The following TXNDC16 variants were observed in gnomAD, a reference collection of about 807,000 sequenced individuals.
TXNDC16 encodes the protein thioredoxin domain-containing protein 16.
Under a neutral mutation model 85.6 loss-of-function variants are expected in TXNDC16, and 74 were observed. That is an observed-to-expected ratio of 0.86 (90% CI 0.72 to 1.05). The LOEUF is 1.05. TXNDC16 is among the 50% of genes least tolerant of loss of function. TXNDC16 has a pLI of 0.00. For missense variants in TXNDC16, 959 were observed against 947.0 expected, an observed-to-expected ratio of 1.01 and a Z score of -0.17; for synonymous variants, 335 against 326.5, an observed-to-expected ratio of 1.03 and a Z score of -0.28.
chr14:52,481,789 A>T (rs1405131607), intron 14 of TXNDC16, among the ~76,000 whole-genome samples: 2 of 152,174 alleles, frequency 1.3e-5, no homozygotes, highest in African/African-American at 4.8e-5. Flanking sequence ...GATATTAAAA[A>T]GCATTCCATC....
At chr14:52,478,945 A>G (rs1305827239) in intron 14 of TXNDC16, among the ~76,000 whole-genome samples, 1 of 152,194 alleles carries the variant, frequency 6.6e-6, no homozygotes. Context: ...ATCCAACAAC[A>G]TATCAAAAAG....
intron 3 of TXNDC16, 61 bp downstream of exon 3, chr14:52,543,337 T>C (rs2037873537): frequency 6.6e-7 from 1 of 1,523,766 alleles, no homozygotes; most frequent in Admixed American, 2.0e-5. Flanking sequence ...CCACTGAACT[T>C]ACTGATTAAA....
In TXNDC16 at chr14:52,432,218, AC is replaced by A. The variant is rs2034914931; in HGVS notation, c.*85del. On this transcript the variant is annotated 3_prime_UTR_variant, in exon 21 of 21. Transcript: ENST00000281741. ...TCTATTGGATGGCACTAGTCTGCAA[AC>A]TTGAAATGATTTAATATTATTCTTT... 3 of 1,276,938 alleles carry A rather than the reference AC, an allele frequency of 2.3e-6. No individual in the cohort carries two copies. In the Admixed American group the frequency reaches 7.8e-5, roughly 33 times the overall value. 79.1% of individuals were successfully genotyped at this position (1,276,938 alleles called of 1,614,324 possible).
At chr14:52,551,675 A>G (rs761053051) in intron 1 of TXNDC16, among the ~76,000 whole-genome samples, 8 of 152,128 alleles carry the variant, frequency 5.3e-5, no homozygotes, top group Non-Finnish European at 1.2e-4. Context: ...AAAAAAGTCA[A>G]CAACTATGTG....
intron 17 of TXNDC16, among the ~76,000 whole-genome samples, chr14:52,456,383 T>A (rs79801464): frequency 6.6e-6 from 1 of 152,138 alleles, no homozygotes. Flanking sequence ...TTCTTTAATA[T>A]ATACTTTATG....
intron 6 of TXNDC16, among the ~76,000 whole-genome samples, chr14:52,525,325 A>G (rs1237727385): frequency 6.6e-6 from 1 of 152,094 alleles, no homozygotes; most frequent in African/African-American, 2.4e-5. Context: ...CATCGCAATA[A>G]TCTCATGAGG....
chr14:52,507,222 G>A (rs1234229348), intron 9 of TXNDC16, among the ~76,000 whole-genome samples: 3 of 152,022 alleles, frequency 2.0e-5, no homozygotes, highest in African/African-American at 7.3e-5. Context: ...AAAGTCTCAG[G>A]ATACAAAATC....
chr14:52,489,849 T>G (rs2036359633), intron 11 of TXNDC16, among the ~76,000 whole-genome samples: 1 of 152,182 alleles, frequency 6.6e-6, no homozygotes, highest in Admixed American at 6.5e-5. Flanking sequence ...CTTGTTTATT[T>G]TTTTGAGACA....
chr14:52,447,954 G>C (rs1055787129), intron 18 of TXNDC16, among the ~76,000 whole-genome samples: 2 of 150,336 alleles, frequency 1.3e-5, no homozygotes, highest in African/African-American at 4.9e-5. Context: ...GCAGAAGAAA[G>C]AATTACTGAG....
At chr14:52,551,475 GA>G (rs11380216) in intron 1 of TXNDC16, among the ~76,000 whole-genome samples, 12,089 of 132,158 alleles carry the variant, frequency 0.091, 520 homozygotes, top group African/African-American at 0.13. Context: ...TGAAAAAAAG[GA>G]AAAAAAAAAA....
rs772473780 is a variant in TXNDC16, at chr14:52,488,332, T to G, written c.1108+31A>C. On this transcript the variant is annotated intron_variant, in intron 12 of 20. Transcript: ENST00000281741. ...CTGACTTTATGGGTGCTGGGCAGGA[T>G]GGGGAAGGGGTGAGAATCATAACAC... 5.6e-6 allele frequency: 9 copies of G among 1,608,192 alleles called. No individual in the cohort carries two copies. In the African/African-American group the frequency reaches 1.2e-4, roughly 22 times the overall value.
In TXNDC16 at chr14:52,507,438, T is replaced by C. The variant is rs535142455; in HGVS notation, c.756+3802A>G. 3.3e-3 allele frequency among the ~76,000 whole-genome samples: 498 copies of C among 152,256 alleles called. 3 individuals are homozygous for C. Among genetic ancestry groups the C allele is most frequent in the Non-Finnish European group, 5.3e-3 (361 of 68,024 alleles). On this transcript the variant is annotated intron_variant, in intron 9 of 20. Coordinates refer to ENST00000281741, the MANE Select transcript of TXNDC16 (RefSeq NM_020784.3). ...GAGGATACAAACAAATGGAAGAATA[T>C]TCCATGCTCATGGGTAGGAAGAATC... is the stretch of plus-strand genomic sequence containing the variant.
chr14:52,479,242 G>C (rs971057492), intron 14 of TXNDC16, among the ~76,000 whole-genome samples: 1 of 152,094 alleles, frequency 6.6e-6, no homozygotes, highest in African/African-American at 2.4e-5. Context: ...TATTCCTTCT[G>C]AGAACTGGAA....
intron 7 of TXNDC16, among the ~76,000 whole-genome samples, chr14:52,516,705 T>C (rs2037090398): frequency 2.0e-5 from 3 of 152,048 alleles, no homozygotes; most frequent in Admixed American, 2.0e-4. Flanking sequence ...TTCCCTTTTC[T>C]CCTCACTGTC....
intron 9 of TXNDC16, among the ~76,000 whole-genome samples, chr14:52,499,620 AAAG>A (rs1401179060): frequency 6.6e-6 from 1 of 151,724 alleles, no homozygotes; most frequent in Non-Finnish European, 1.5e-5. Flanking sequence ...AAAAAAAAAA[AAAG>A]AAAAGAAAGA....
chr14:52,494,611 A>G (rs762905683), intron 9 of TXNDC16, among the ~76,000 whole-genome samples: 2 of 152,224 alleles, frequency 1.3e-5, no homozygotes, highest in Non-Finnish European at 2.9e-5. Context: ...AAAAGGAGGA[A>G]TAGTCAGTAA....
intron 7 of TXNDC16, among the ~76,000 whole-genome samples, chr14:52,517,888 T>C (rs892357214): frequency 2.6e-5 from 4 of 152,192 alleles, no homozygotes; most frequent in Non-Finnish European, 5.9e-5. Flanking sequence ...TCAATTGCTC[T>C]CTACCTCTTC....
chr14:52,523,534 A>G (rs988091800), intron 6 of TXNDC16, among the ~76,000 whole-genome samples: 2 of 152,248 alleles, frequency 1.3e-5, no homozygotes, highest in Admixed American at 6.5e-5. Flanking sequence ...AGAGAAATAA[A>G]TTACTTTTAT....
At chr14:52,477,592 T>C (rs2036047777) in intron 14 of TXNDC16, among the ~76,000 whole-genome samples, 2 of 152,204 alleles carry the variant, frequency 1.3e-5, no homozygotes, top group African/African-American at 2.4e-5. Context: ...CGTCATTATA[T>C]AATGATAAAA....
Sources: allele counts gnomAD v4.1 joint callset (sites outside exome capture counted in the v4.1 genomes callset), GRCh38; gene constraint gnomAD v4.1.1; transcripts MANE v1.5; gene names NCBI Gene and HGNC (gene_info 2026-07-23, HGNC 2026-07-21).